Variants in LARGE1 observed in about 807,000 individuals in gnomAD.
LARGE1 encodes the protein xylosyl- and glucuronyltransferase LARGE1.
In LARGE1, 43 loss-of-function variants were observed where a neutral mutation model predicts 87.6. The observed-to-expected ratio is 0.49, with a 90% CI of 0.38 to 0.63. The LOEUF (loss-of-function observed/expected upper bound fraction) is 0.63. Ranked by LOEUF, LARGE1 falls within the 30% of genes least tolerant of loss-of-function variation. The pLI, the probability that LARGE1 is intolerant of heterozygous loss-of-function variation, is 0.00. For synonymous variants in LARGE1, 434 were observed against 394.6 expected (o/e 1.10, Z -1.18); for missense variants, 802 against 1,000.2 (o/e 0.80, Z 2.67).
chr22:33,441,783 AT>A (rs2067489196), intron 6 of LARGE1, among the ~76,000 whole-genome samples: 1 of 152,066 alleles, frequency 6.6e-6, no homozygotes, highest in Admixed American at 6.6e-5. Flanking sequence ...TCAGTTCTTC[AT>A]TTTTCTCATG....
the LARGE1 span, chr22:33,108,953 T>G: frequency 6.6e-6 from 1 of 152,210 alleles, no homozygotes; most frequent in Admixed American, 6.5e-5. Context: ...TGACCTAGTT[T>G]TCTTATCTTT....
rs150815675 is a variant in LARGE1 at position 33,649,241 on chromosome 22, A to G, written c.408+1126T>C. On this transcript the variant is annotated intron_variant, in intron 3 of 14. Coordinates refer to ENST00000397394, the MANE Select transcript of LARGE1 (RefSeq NM_133642.5). ...ACTGAACTTCCAAAGAACTTAGTCT[A>G]CATCACTGAGGAAGCCATTTGTTAG... is the stretch of plus-strand genomic sequence containing the variant. Among the ~76,000 whole-genome samples, 5 of 152,316 alleles carry G rather than the reference A, an allele frequency of 3.3e-5. No homozygotes were observed. The East Asian group carries it at 9.6e-4, about 29-fold the overall frequency.
At chr22:33,882,413 A>G (rs1452767077) in intron 1 of LARGE1, among the ~76,000 whole-genome samples, 5 of 152,176 alleles carry the variant, frequency 3.3e-5, no homozygotes, top group Non-Finnish European at 7.3e-5. Context: ...AGTGCAGACT[A>G]TATCCAAATC....
intron 6 of LARGE1, among the ~76,000 whole-genome samples, chr22:33,441,197 C>T (rs1262377558): frequency 6.6e-6 from 1 of 150,966 alleles, no homozygotes; most frequent in Non-Finnish European, 1.5e-5. Flanking sequence ...TCTCAGCCTC[C>T]CGAGTAGCTG....
At chr22:33,321,633 G>C (rs1234364489) in intron 10 of LARGE1, among the ~76,000 whole-genome samples, 1 of 152,176 alleles carries the variant, frequency 6.6e-6, no homozygotes, top group Non-Finnish European at 1.5e-5. Flanking sequence ...GTTCAATGAA[G>C]AGGACAGTGG....
chr22:33,166,507 T>C lies in LARGE1; in HGVS notation c.*256A>G, dbSNP rs1922280255. On this transcript the variant is annotated 3_prime_UTR_variant, in exon 12 of 12. Transcript: ENST00000608642. ...GTTCACCTGGCATGTACCACTTCAA[T>C]GTTACCACGGGGATGTTCACCTGGC... The C allele has an allele frequency of 9.1e-6, 3 of 331,076 alleles. 1 individual carries two copies. The highest frequency in any genetic ancestry group is 1.8e-5 in the Non-Finnish European group (3 of 168,456). The allele number at this position is 331,076 out of a possible 1,614,324, so 20.5% of individuals were successfully genotyped here. A position where few individuals can be genotyped will look rare whatever the true frequency, so the allele number is the denominator to read the frequency against.
At chr22:33,405,566 G>C (rs1312133045) in intron 7 of LARGE1, among the ~76,000 whole-genome samples, 2 of 152,108 alleles carry the variant, frequency 1.3e-5, no homozygotes, top group Non-Finnish European at 2.9e-5. Flanking sequence ...TAGGTGGGGA[G>C]TGAAGATTTC....
chr22:33,401,574 A>G (rs2065927219), intron 7 of LARGE1, among the ~76,000 whole-genome samples: 1 of 152,198 alleles, frequency 6.6e-6, no homozygotes, highest in African/African-American at 2.4e-5. Flanking sequence ...GCTGGTATAT[A>G]GCCTGTGGGG....
chr22:33,369,935 TAAA>T (rs76332142), intron 9 of LARGE1, among the ~76,000 whole-genome samples: 10 of 143,044 alleles, frequency 7.0e-5, no homozygotes, highest in African/African-American at 2.3e-4. Flanking sequence ...TAGCCAAGAT[TAAA>T]AAAAAAAAAA....
chr22:33,423,189 C>T (rs1437192285), intron 7 of LARGE1, among the ~76,000 whole-genome samples: 1 of 152,042 alleles, frequency 6.6e-6, no homozygotes, highest in Non-Finnish European at 1.5e-5. Context: ...CAGTACCATT[C>T]AGCACTCGTA....
intron 5 of LARGE1, among the ~76,000 whole-genome samples, chr22:33,572,439 C>T (rs774703704): frequency 3.3e-5 from 5 of 152,176 alleles, no homozygotes; most frequent in Non-Finnish European, 5.9e-5. Context: ...GACTCTACCA[C>T]AACCAGCCTG....
At chr22:33,085,835 G>A in the LARGE1 span, among the ~76,000 whole-genome samples, 2 of 152,154 alleles carry the variant, frequency 1.3e-5, no homozygotes, top group African/African-American at 4.8e-5. Flanking sequence ...GTCTAGGAAT[G>A]TAAATCACAA....
chr22:33,193,466 T>C (rs1240614676), intron 11 of LARGE1, among the ~76,000 whole-genome samples: 1 of 152,174 alleles, frequency 6.6e-6, no homozygotes, highest in African/African-American at 2.4e-5. Flanking sequence ...ATCAGGAAGA[T>C]AATCAGAATG....
chr22:33,535,581 G>A (rs1217093704), intron 6 of LARGE1, among the ~76,000 whole-genome samples: 1 of 151,940 alleles, frequency 6.6e-6, no homozygotes. Context: ...GCAGCAATAT[G>A]CAGGGACCAA....
chr22:33,712,651 TG>T, intron 2 of LARGE1, among the ~76,000 whole-genome samples: 1 of 148,796 alleles, frequency 6.7e-6, no homozygotes, highest in South Asian at 2.2e-4. Context: ...TGTGTGTGTG[TG>T]TGTGTGTGTG....
At chr22:33,539,264 A>G (rs941418892) in intron 6 of LARGE1, among the ~76,000 whole-genome samples, 1 of 152,170 alleles carries the variant, frequency 6.6e-6, no homozygotes. Flanking sequence ...AAGAAAAAAA[A>G]AAAGGCAAGT....
At chr22:33,521,606 C>A (rs1404713701) in intron 6 of LARGE1, among the ~76,000 whole-genome samples, 1 of 152,150 alleles carries the variant, frequency 6.6e-6, no homozygotes, top group Non-Finnish European at 1.5e-5. Flanking sequence ...GACATAGATG[C>A]CTCCTCTTAA....
chr22:33,390,766 T>G (rs551546127), intron 7 of LARGE1, among the ~76,000 whole-genome samples: 1 of 150,866 alleles, frequency 6.6e-6, no homozygotes, highest in African/African-American at 2.4e-5. Flanking sequence ...CGATCTCAGC[T>G]CACTGCACCC....
chr22:33,284,583 C>CA (rs1324720548), intron 12 of LARGE1, among the ~76,000 whole-genome samples: 1 of 144,560 alleles, frequency 6.9e-6, no homozygotes, highest in Non-Finnish European at 1.5e-5. Flanking sequence ...TGGCATGAGG[C>CA]TTTTTTTTTT....
Sources: allele counts gnomAD v4.1 joint callset (sites outside exome capture counted in the v4.1 genomes callset), GRCh38; gene constraint gnomAD v4.1.1; transcripts MANE v1.5; gene names NCBI Gene and HGNC (gene_info 2026-07-23, HGNC 2026-07-21).